TMEM132D: variants seen among roughly 807,000 people sequenced by gnomAD.
TMEM132D encodes the protein mature OL transmembrane protein.
A neutral mutation model predicts 62.3 loss-of-function variants in TMEM132D; 21 were observed. That is an observed-to-expected ratio of 0.34 (90% CI 0.24 to 0.49). The LOEUF (loss-of-function observed/expected upper bound fraction) is 0.49, where lower values mean the gene tolerates loss of function less well. Among genes scored for constraint, TMEM132D ranks in the 20% least tolerant of loss-of-function variants. TMEM132D has a pLI of 0.99. For synonymous variants in TMEM132D, 621 were observed against 575.6 expected, an observed-to-expected ratio of 1.08 and a Z score of -1.13; for missense variants, 1,346 against 1,402.8, an observed-to-expected ratio of 0.96 and a Z score of 0.65.
At chr12:129,705,131 G>A (rs1294363395) in intron 1 of TMEM132D, among the ~76,000 whole-genome samples, 1 of 152,224 alleles carries the variant, frequency 6.6e-6, no homozygotes, top group East Asian at 1.9e-4. Context: ...TCAGTAAGAG[G>A]CTGTAACCAT....
chr12:129,365,573 G>A (rs866281848), intron 3 of TMEM132D, among the ~76,000 whole-genome samples: 36 of 152,228 alleles, frequency 2.4e-4, no homozygotes, highest in African/African-American at 8.4e-4. Flanking sequence ...GAAGAAAGAG[G>A]AACCAGGATG....
chr12:129,727,970 G>GT (rs1205397253), intron 1 of TMEM132D, among the ~76,000 whole-genome samples: 1 of 152,110 alleles, frequency 6.6e-6, no homozygotes, highest in Non-Finnish European at 1.5e-5. Flanking sequence ...AGGAAATTAC[G>GT]TTCTTTTCTG....
chr12:129,074,100 A>G lies in TMEM132D; in HGVS notation c.3075T>C (p.Ile1025=), dbSNP rs761995562. 17 of 1,614,012 alleles carry G rather than the reference A, an allele frequency of 1.1e-5. No individual in the cohort carries two copies. In the East Asian group the frequency reaches 2.7e-4, roughly 25 times the overall value. The change falls in exon 9 of 9, where the codon ATT becomes ATC. Residue 1025 remains isoleucine (I), a synonymous_variant. Transcript: ENST00000422113. ...GCTCACTTTTCTGATCTTTCCCATC[A>G]ATGATGATGGGTCCCAAAGGTTTGA... is the stretch of plus-strand genomic sequence containing the variant. ...QLFKPLGPII[I]DGKDQKSEPP... is the part of the protein sequence containing the mutation.
At chr12:129,131,521 C>T (rs779615450) in intron 5 of TMEM132D, among the ~76,000 whole-genome samples, 1 of 152,064 alleles carries the variant, frequency 6.6e-6, no homozygotes, top group African/African-American at 2.4e-5. Flanking sequence ...GCAGGAGAAT[C>T]GCTTGAACGC....
chr12:129,771,127 T>A (rs1870739381), intron 1 of TMEM132D, among the ~76,000 whole-genome samples: 1 of 152,206 alleles, frequency 6.6e-6, no homozygotes, highest in African/African-American at 2.4e-5. Context: ...ACAGCTCATG[T>A]CTGCAGAATG....
chr12:129,200,387 C>T (rs1436517793), intron 5 of TMEM132D, among the ~76,000 whole-genome samples: 1 of 152,214 alleles, frequency 6.6e-6, no homozygotes, highest in South Asian at 2.1e-4. Flanking sequence ...GTATCATGCT[C>T]ATACATGGGG....
In TMEM132D at chr12:129,356,188, G is replaced by A. The variant is rs1394090771; in HGVS notation, c.1116-18371C>T. Among the ~76,000 whole-genome samples the A allele has an allele frequency of 1.7e-4, 3 of 17,892 alleles. 1 individual carries two copies. The highest frequency in any genetic ancestry group is 1.0e-3 in the African/African-American group (3 of 2,984). 11.7% of individuals were successfully genotyped at this position (17,892 alleles called of 152,430 possible). ...TTTTTTTTTTTTGAGACGGAGTCTC[G>A]CTCTGTCGCCCAGGCTGGAGTGCAG... On this transcript the variant is annotated intron_variant, in intron 3 of 8. Transcript: ENST00000422113.
chr12:129,487,039 G>T (rs1033476781), intron 3 of TMEM132D, among the ~76,000 whole-genome samples: 4 of 151,826 alleles, frequency 2.6e-5, no homozygotes, highest in Non-Finnish European at 5.9e-5. Flanking sequence ...TATGGGGGGG[G>T]GGGTTGTGGG....
At chr12:129,694,570 A>G (rs1190107188) in intron 2 of TMEM132D, among the ~76,000 whole-genome samples, 3 of 152,238 alleles carry the variant, frequency 2.0e-5, no homozygotes, top group African/African-American at 4.8e-5. Context: ...GTCTTGGCCA[A>G]TCCCAGTGGC....
At chr12:129,864,521 G>GT (rs1873998217) in intron 1 of TMEM132D, among the ~76,000 whole-genome samples, 2 of 152,172 alleles carry the variant, frequency 1.3e-5, no homozygotes. Context: ...AAGATAAGGT[G>GT]TTTTTCCTGC....
At chr12:129,660,805 C>T (rs1880219622) in intron 2 of TMEM132D, among the ~76,000 whole-genome samples, 2 of 152,076 alleles carry the variant, frequency 1.3e-5, no homozygotes, top group Non-Finnish European at 2.9e-5. Context: ...TGGCAAATAA[C>T]TCTCCATGAC....
At chr12:129,343,223 A>G (rs1418281644) in intron 3 of TMEM132D, among the ~76,000 whole-genome samples, 1 of 152,258 alleles carries the variant, frequency 6.6e-6, no homozygotes, top group Non-Finnish European at 1.5e-5. Context: ...TGGCACATAT[A>G]CAGCATGGAA....
chr12:129,693,572 C>A (rs1209276548), intron 2 of TMEM132D, among the ~76,000 whole-genome samples: 2 of 152,114 alleles, frequency 1.3e-5, no homozygotes, highest in Non-Finnish European at 2.9e-5. Flanking sequence ...CAGCGCGGTG[C>A]TGGTGAGGTG....
At chr12:129,762,542 A>C (rs187507657) in intron 1 of TMEM132D, among the ~76,000 whole-genome samples, 2 of 152,132 alleles carry the variant, frequency 1.3e-5, no homozygotes, top group Non-Finnish European at 2.9e-5. Flanking sequence ...AGGTAGACTC[A>C]TTTTAAGGGC....
At chr12:129,845,448 G>A (rs958348502) in intron 1 of TMEM132D, among the ~76,000 whole-genome samples, 6 of 152,192 alleles carry the variant, frequency 3.9e-5, no homozygotes, top group African/African-American at 1.4e-4. Flanking sequence ...TTTGGGAAAT[G>A]AAACACGTCT....
intron 3 of TMEM132D, among the ~76,000 whole-genome samples, chr12:129,519,219 A>C (rs1459817256): frequency 6.6e-6 from 1 of 152,154 alleles, no homozygotes; most frequent in Non-Finnish European, 1.5e-5. Context: ...CCTACCCTGG[A>C]ACTGAAATTT....
intron 1 of TMEM132D, among the ~76,000 whole-genome samples, chr12:129,791,958 T>C (rs1246497150): frequency 6.6e-6 from 1 of 152,200 alleles, no homozygotes; most frequent in Non-Finnish European, 1.5e-5. Flanking sequence ...CCTCAGCTGA[T>C]GCTGCCCCCG....
At position 129,181,119 on chromosome 12, in the gene TMEM132D, C is replaced by A. The variant is rs573509716; in HGVS notation, c.1443+28401G>T. ...GGACAGATCCAGGAAATGCAACTGGCACCTCATACTCAATTCAAACCCAAC... is the reference window on the plus strand; with the variant it reads ...GGACAGATCCAGGAAATGCAACTGGAACCTCATACTCAATTCAAACCCAAC... On this transcript the variant is annotated intron_variant, in intron 5 of 8. Coordinates refer to ENST00000422113, the MANE Select transcript of TMEM132D (RefSeq NM_133448.3). 3.9e-5 allele frequency among the ~76,000 whole-genome samples: 6 copies of A among 152,122 alleles called. No individual in the cohort carries two copies. In the South Asian group the frequency reaches 1.2e-3, roughly 32 times the overall value.
chr12:129,189,291 G>A (rs1160521749), intron 5 of TMEM132D, among the ~76,000 whole-genome samples: 1 of 152,132 alleles, frequency 6.6e-6, no homozygotes, highest in Non-Finnish European at 1.5e-5. Flanking sequence ...GGGATCCCAG[G>A]CCATTATAGT....
Sources: gnomAD v4.1 joint callset for allele counts (sites outside exome capture counted in the v4.1 genomes callset) on GRCh38, gnomAD v4.1.1 for gene constraint, MANE v1.5 for transcripts, NCBI Gene and HGNC (gene_info 2026-07-23, HGNC 2026-07-21) for gene names.